The following RASSF3 variants were observed in gnomAD, a reference collection of about 807,000 sequenced individuals.
RASSF3 encodes the protein Ras association domain family member 3.
In RASSF3, 19 loss-of-function variants were observed where a neutral mutation model predicts 19.9. That is an observed-to-expected ratio of 0.96 (90% CI 0.67 to 1.40). The LOEUF is 1.40. Among genes scored for constraint, RASSF3 ranks in the 40% most tolerant of loss-of-function variants. The pLI, the probability that RASSF3 is intolerant of heterozygous loss-of-function variation, is 0.00. For missense variants in RASSF3, 306 were observed against 289.8 expected, an observed-to-expected ratio of 1.06 and a Z score of -0.41; for synonymous variants, 110 against 104.2, an observed-to-expected ratio of 1.06 and a Z score of -0.34.
chr12:64,558,967 G>C (rs570946615), intron 2 of RASSF3, among the ~76,000 whole-genome samples: 1 of 152,264 alleles, frequency 6.6e-6, no homozygotes, highest in Admixed American at 6.5e-5. Context: ...GTGCTCTACT[G>C]TCTCACAGCT....
chr12:64,588,534 C>A (rs1869855549), intron 2 of RASSF3, among the ~76,000 whole-genome samples: 1 of 151,792 alleles, frequency 6.6e-6, no homozygotes, highest in Non-Finnish European at 1.5e-5. Flanking sequence ...AAAAAGATAT[C>A]TTTTTTCTTA....
chr12:64,671,682 A>G (rs1473570956), intron 1 of RASSF3, among the ~76,000 whole-genome samples: 2 of 152,246 alleles, frequency 1.3e-5, no homozygotes, highest in Admixed American at 1.3e-4. Context: ...TTCCTCAGAT[A>G]AAACCAAAAC....
chr12:64,606,675 TGAGGC>T (rs1487494074), upstream of RASSF3, among the ~76,000 whole-genome samples: 2 of 151,852 alleles, frequency 1.3e-5, no homozygotes, highest in African/African-American at 4.8e-5. Context: ...ATTGGCCGGG[TGAGGC>T]GGTGCGTGCC....
Position 64,551,604 on chromosome 12 carries a change from T to C in RASSF3, c.294+9899T>C, listed in dbSNP as rs528734385. Among the ~76,000 whole-genome samples the C allele has an allele frequency of 1.8e-4, 27 of 152,300 alleles. No individual in the cohort carries two copies. In the South Asian group the frequency reaches 5.4e-3, roughly 30 times the overall value. ...AATAATATGCATGTAGTAAATGTAA[T>C]CATGTCTACTACTTAGCATTGCTGT... On this transcript the variant is annotated intron_variant, in intron 2 of 5. Transcript: ENST00000637125.
chr12:64,581,131 G>A (rs1487470803), intron 2 of RASSF3, among the ~76,000 whole-genome samples: 1 of 151,460 alleles, frequency 6.6e-6, no homozygotes, highest in Non-Finnish European at 1.5e-5. Context: ...AAGAGAGAGA[G>A]AGAGCTTATA....
In RASSF3 at chr12:64,695,101, G is replaced by A. The variant is rs558150594; in HGVS notation, c.*189G>A. ...CTTAGCGTCCCATGTAAGGGACTCT[G>A]CAAGCTTGTTGTTCAGCACCGCAGT... On this transcript the variant is annotated 3_prime_UTR_variant, in exon 5 of 5. Coordinates refer to ENST00000542104, the MANE Select transcript of RASSF3 (RefSeq NM_178169.4). The A allele has an allele frequency of 3.6e-5, 21 of 582,184 alleles. No homozygotes were observed. Among genetic ancestry groups the A allele is most frequent in the African/African-American group, 3.2e-4 (17 of 53,952 alleles). 36.1% of individuals were successfully genotyped at this position (582,184 alleles called of 1,614,324 possible).
At chr12:64,611,391 C>T (rs916541021) in intron 1 of RASSF3, 1 of 152,272 alleles carries the variant, frequency 6.6e-6, no homozygotes, top group East Asian at 1.9e-4. Context: ...AAATACTAGC[C>T]AGCGACAGCT....
chr12:64,530,779 A>T (rs1387780412), upstream of RASSF3, among the ~76,000 whole-genome samples: 1 of 152,218 alleles, frequency 6.6e-6, no homozygotes, highest in Non-Finnish European at 1.5e-5. Context: ...GTGTGGTAGC[A>T]TCTCACTGTG....
At chr12:64,532,312 C>A (rs546945148), upstream of RASSF3, among the ~76,000 whole-genome samples, 5 of 152,226 alleles carry the variant, frequency 3.3e-5, no homozygotes, top group East Asian at 9.7e-4. Flanking sequence ...CCTTTCCCTC[C>A]AAACACTGGG....
At chr12:64,590,342 T>G (rs1869898607) in intron 2 of RASSF3, among the ~76,000 whole-genome samples, 1 of 152,044 alleles carries the variant, frequency 6.6e-6, no homozygotes, top group African/African-American at 2.4e-5. Flanking sequence ...TAGGAAGGAA[T>G]GAGGCCAAGA....
At chr12:64,523,048 ATATTTT>A (rs1423218242) in intron 1 of RASSF3, among the ~76,000 whole-genome samples, 1 of 152,178 alleles carries the variant, frequency 6.6e-6, no homozygotes, top group Non-Finnish European at 1.5e-5. Flanking sequence ...GAAGATGCCC[ATATTTT>A]TTAAAACTGC....
At chr12:64,675,206 TA>T (rs1422652800) in intron 1 of RASSF3, among the ~76,000 whole-genome samples, 3 of 152,050 alleles carry the variant, frequency 2.0e-5, no homozygotes, top group African/African-American at 4.8e-5. Context: ...AAAAAAGAAA[TA>T]TTTGTTCCTT....
chr12:64,605,642 C>T (rs1475448653), upstream of RASSF3, among the ~76,000 whole-genome samples: 3 of 152,044 alleles, frequency 2.0e-5, no homozygotes, highest in Non-Finnish European at 4.4e-5. Context: ...GTAATTCCAG[C>T]ACTTTGGGAG....
At chr12:64,605,757 G>A (rs566742031), upstream of RASSF3, among the ~76,000 whole-genome samples, 1 of 151,980 alleles carries the variant, frequency 6.6e-6, no homozygotes, top group African/African-American at 2.4e-5. Context: ...GGGTAGTGGC[G>A]CATGCCTGTA....
intron 1 of RASSF3, among the ~76,000 whole-genome samples, chr12:64,641,637 C>CT (rs772275438): frequency 4.0e-3 from 195 of 48,178 alleles, no homozygotes; most frequent in African/African-American, 6.2e-3. Context: ...CTCTCTCTCT[C>CT]TTTTTTTTTT....
intron 1 of RASSF3, among the ~76,000 whole-genome samples, chr12:64,514,596 T>C (rs1219917965): frequency 6.6e-6 from 1 of 152,188 alleles, no homozygotes; most frequent in African/African-American, 2.4e-5. Context: ...AGGCTCCTAT[T>C]TCCTTAGAAA....
chr12:64,511,754 C>T (rs1021749523), intron 1 of RASSF3, among the ~76,000 whole-genome samples: 10 of 151,948 alleles, frequency 6.6e-5, no homozygotes, highest in East Asian at 3.9e-4. Context: ...AAAAGCCTAT[C>T]GTATTAATTT....
rs1868296565 is a variant in RASSF3, at chr12:64,692,187, G to A, written c.567+608G>A. ...CTTGAGCCTGCCCTCTAGATCAAGT[G>A]TCAGCTTTAAATGACACTTGAGCAA... On this transcript the variant is annotated intron_variant, in intron 4 of 4. Transcript: ENST00000542104. Among the ~76,000 whole-genome samples the A allele has an allele frequency of 2.0e-5, 3 of 152,268 alleles. No homozygotes were observed. The South Asian group carries it at 6.2e-4, about 32-fold the overall frequency.
downstream of RASSF3, among the ~76,000 whole-genome samples, chr12:64,546,527 C>G (rs944103192): frequency 3.9e-5 from 6 of 152,214 alleles, no homozygotes; most frequent in Non-Finnish European, 8.8e-5. Flanking sequence ...GCCTAGGCCC[C>G]CCAAAGTGCT....
Sources: allele counts gnomAD v4.1 joint callset (sites outside exome capture counted in the v4.1 genomes callset), GRCh38; gene constraint gnomAD v4.1.1; transcripts MANE v1.5; gene names NCBI Gene and HGNC (gene_info 2026-07-23, HGNC 2026-07-21).